KIF4A: variants seen among roughly 807,000 people sequenced by gnomAD.
The protein encoded by KIF4A is chromosome-associated kinesin KIF4A.
A neutral mutation model predicts 105.9 loss-of-function variants in KIF4A; 7 were observed. That is an observed-to-expected ratio of 0.07 (90% CI 0.04 to 0.12). KIF4A has a LOEUF of 0.12. Among genes scored for constraint, KIF4A ranks in the 10% least tolerant of loss-of-function variants. The pLI is 1.00. For missense variants in KIF4A, 558 were observed against 929.2 expected (o/e 0.60, Z 5.19); for synonymous variants, 281 against 331.3 (o/e 0.85, Z 1.65).
intron 7 of KIF4A, among the ~76,000 whole-genome samples, chrX:70,329,062 T>C (rs1399240686): frequency 2.7e-5 from 3 of 111,564 alleles, no homozygotes; most frequent in Non-Finnish European, 5.6e-5. Context: ...AAAAAACCTG[T>C]TCATCCAATT....
chrX:70,340,235 A>T (rs1180049550), intron 10 of KIF4A, among the ~76,000 whole-genome samples: 8 of 112,121 alleles, frequency 7.1e-5, no homozygotes, highest in Non-Finnish European at 1.1e-4. Context: ...GGGAGAACTT[A>T]AAAAATTTAA....
At chrX:70,416,184 A>G (rs2086343444) in intron 28 of KIF4A, among the ~76,000 whole-genome samples, 1 of 108,771 alleles carries the variant, frequency 9.2e-6, no homozygotes, top group Non-Finnish European at 1.9e-5. Flanking sequence ...ATTATTTCAA[A>G]TGGGATCCAG....
At chrX:70,399,884 T>C (rs1429961107) in intron 22 of KIF4A, among the ~76,000 whole-genome samples, 1 of 98,225 alleles carries the variant, frequency 1.0e-5, no homozygotes, top group Non-Finnish European at 2.0e-5. Flanking sequence ...CACACCAGCA[T>C]GGCACATGTA....
At chrX:70,355,072 T>TCTTCTGC (rs1340637118) in intron 15 of KIF4A, among the ~76,000 whole-genome samples, 2 of 111,326 alleles carry the variant, frequency 1.8e-5, no homozygotes, top group South Asian at 7.6e-4. Flanking sequence ...ACAGTCAGGG[T>TCTTCTGC]CTTCTGCCTC....
intron 15 of KIF4A, among the ~76,000 whole-genome samples, chrX:70,363,776 C>T (rs1015561451): frequency 3.6e-5 from 4 of 112,022 alleles, no homozygotes; most frequent in African/African-American, 9.7e-5. Flanking sequence ...ATGGCTGGGT[C>T]AAATGGTATT....
chrX:70,290,107 G>A lies in KIF4A; in HGVS notation c.-65G>A, dbSNP rs951770246. On this transcript the variant is annotated 5_prime_UTR_variant, in exon 1 of 31. Transcript: ENST00000374403. ...CGGTTAAAGCTCCGGCTGGGACAGG[G>A]CGGCGGGAGGCCCAGGGAGAACGGG... 6.3e-6 allele frequency: 1 copy of A among 157,494 alleles called. No individual in the cohort carries two copies. The highest frequency in any genetic ancestry group is 3.0e-5 in the African/African-American group (1 of 32,810). 13.0% of individuals were successfully genotyped at this position (157,494 alleles called of 1,213,427 possible).
At chrX:70,371,297 TG>T (rs1191561146) in intron 15 of KIF4A, among the ~76,000 whole-genome samples, 3 of 109,291 alleles carry the variant, frequency 2.7e-5, no homozygotes, top group Non-Finnish European at 1.9e-5. Flanking sequence ...AGCACAGGGT[TG>T]GGGGTAAGGT....
intron 18 of KIF4A, among the ~76,000 whole-genome samples, chrX:70,383,101 C>T (rs1224180873): frequency 3.7e-5 from 4 of 107,954 alleles, no homozygotes; most frequent in African/African-American, 1.4e-4. Context: ...GTAGAAGAAT[C>T]GCTTGAATCC....
chrX:70,411,756 C>CT (rs1332350995), intron 28 of KIF4A, among the ~76,000 whole-genome samples: 2 of 110,816 alleles, frequency 1.8e-5, no homozygotes, highest in Non-Finnish European at 3.8e-5. Flanking sequence ...TTTCCACTCT[C>CT]TACAAAGAAT....
chrX:70,404,277 C>G (rs756694697), intron 24 of KIF4A, among the ~76,000 whole-genome samples: 29 of 111,596 alleles, frequency 2.6e-4, no homozygotes, highest in Non-Finnish European at 4.9e-4. Context: ...TGCTGAGAAA[C>G]AGGCCCAGCG....
intron 15 of KIF4A, among the ~76,000 whole-genome samples, chrX:70,367,763 C>T (rs927448706): frequency 3.6e-5 from 4 of 110,936 alleles, no homozygotes; most frequent in East Asian, 5.6e-4. Flanking sequence ...ATCTTTGTGG[C>T]GTTCTCTGTA....
chrX:70,302,058 A>C lies in KIF4A; in HGVS notation c.675A>C (p.Lys225Asn), dbSNP rs1435076649. 1 of 1,209,551 alleles carries C rather than the reference A, an allele frequency of 8.3e-7. No individual in the cohort carries two copies. The highest frequency in any genetic ancestry group is 1.7e-5 in the African/African-American group (1 of 57,283). ...CAATCTCCTTAGAGCAAAGAAAGAA[A>C]AGTGACAAGTAAGTTACAATTTAAA... ...IFTISLEQRK[K>N]SDKNSSFRSK... is the part of the protein sequence containing the mutation. The change falls in exon 6 of 31, where the codon AAA becomes AAC. Residue 225 changes from lysine (K) to asparagine (N), a missense_variant. This residue lies in a region of KIF4A where 89 missense variants were observed against 248.8 expected (regional missense o/e 0.36). Coordinates refer to ENST00000374403, the MANE Select transcript of KIF4A (RefSeq NM_012310.5).
chrX:70,312,615 T>C (rs776726265), intron 7 of KIF4A, among the ~76,000 whole-genome samples: 7 of 112,549 alleles, frequency 6.2e-5, no homozygotes, highest in African/African-American at 2.3e-4. Flanking sequence ...TTATTCTCTA[T>C]TTCCTATAAA....
rs2086218475 is a variant in KIF4A, at chrX:70,386,604, T to C, written c.2035-14T>C. 1 of 1,186,973 alleles carries C rather than the reference T, an allele frequency of 8.4e-7. No homozygotes were observed. The highest frequency in any genetic ancestry group is 1.8e-5 in the African/African-American group (1 of 56,711). ...AGCTGAACAGCAATTAATATCTGAC[T>C]TTTTTCTTGTCAGGACCGTAAGAGG... is the stretch of plus-strand genomic sequence containing the variant. On this transcript the variant is annotated splice_polypyrimidine_tract_variant and intron_variant, in intron 18 of 30. Transcript: ENST00000374403.
chrX:70,310,558 T>C (rs1191205248), intron 7 of KIF4A, among the ~76,000 whole-genome samples: 2 of 111,527 alleles, frequency 1.8e-5, no homozygotes, highest in African/African-American at 6.5e-5. Context: ...TATACAGGTC[T>C]TTTTGTGAAC....
intron 15 of KIF4A, 99 bp downstream of exon 15, chrX:70,353,906 A>T (rs2086041246): frequency 1.2e-5 from 8 of 680,468 alleles, no homozygotes; most frequent in Non-Finnish European, 1.7e-5. Flanking sequence ...ATGAAAAGAC[A>T]ACAAAATGTA....
At chrX:70,368,701 C>T (rs1030429472) in intron 15 of KIF4A, among the ~76,000 whole-genome samples, 2 of 112,099 alleles carry the variant, frequency 1.8e-5, no homozygotes, top group South Asian at 7.4e-4. Flanking sequence ...GGGTCAGGGA[C>T]CCACTTGAGG....
chrX:70,319,909 C>A (rs1302424818), intron 7 of KIF4A, among the ~76,000 whole-genome samples: 1 of 111,677 alleles, frequency 9.0e-6, no homozygotes, highest in Non-Finnish European at 1.9e-5. Context: ...CTTGCCAAAA[C>A]CACTATGTAA....
At chrX:70,352,448 C>T in intron 13 of KIF4A, 152 bp from the exon 14 acceptor site, 2 of 333,865 alleles carry the variant, frequency 6.0e-6, no homozygotes, top group Non-Finnish European at 5.3e-6. Context: ...GAAATGGAAA[C>T]GTGACTATTG....
Sources: gnomAD v4.1 joint callset for allele counts (sites outside exome capture counted in the v4.1 genomes callset) on GRCh38, gnomAD v4.1.1 for gene constraint, gnomAD v4.1.1 regional missense constraint, MANE v1.5 for transcripts, NCBI Gene and HGNC (gene_info 2026-07-23, HGNC 2026-07-21) for gene names.